FSTL5: variants seen among roughly 807,000 people sequenced by gnomAD.
FSTL5 encodes follistatin like 5.
Under a neutral mutation model 89.1 loss-of-function variants are expected in FSTL5, and 62 were observed. That is an observed-to-expected ratio of 0.70 (90% confidence interval 0.57 to 0.86). FSTL5 has a LOEUF of 0.86. FSTL5 is among the 40% of genes least tolerant of loss of function. FSTL5 has a pLI of 0.00. For synonymous variants in FSTL5, 383 were observed against 346.2 expected (o/e 1.11, Z -1.18); for missense variants, 1,057 against 1,001.6 (o/e 1.06, Z -0.75).
intron 4 of FSTL5, among the ~76,000 whole-genome samples, chr4:161,906,286 G>C (rs1315657489): frequency 6.6e-6 from 1 of 152,104 alleles, no homozygotes; most frequent in African/African-American, 2.4e-5. Flanking sequence ...CCAGTCTCCA[G>C]AGGGAGGAAC....
chr4:161,685,221 G>A (rs1264311767), intron 6 of FSTL5, among the ~76,000 whole-genome samples: 1 of 152,068 alleles, frequency 6.6e-6, no homozygotes, highest in African/African-American at 2.4e-5. Flanking sequence ...GTCTTGCTTT[G>A]TTTATGCCGG....
chr4:161,473,016 C>T (rs549681103), intron 13 of FSTL5, among the ~76,000 whole-genome samples: 2 of 152,292 alleles, frequency 1.3e-5, no homozygotes, highest in South Asian at 2.1e-4. Context: ...AGCCACCGTG[C>T]CTGGCTGTGT....
At chr4:161,768,939 A>T (rs543936345) in intron 5 of FSTL5, among the ~76,000 whole-genome samples, 28 of 152,018 alleles carry the variant, frequency 1.8e-4, no homozygotes, top group African/African-American at 6.7e-4. Flanking sequence ...AAATTGACAA[A>T]CCTTTAGCCA....
chr4:161,467,864 T>A lies in FSTL5; in HGVS notation c.1609-8545A>T, dbSNP rs1733799299. Among the ~76,000 whole-genome samples, 3 of 152,130 alleles carry A rather than the reference T, an allele frequency of 2.0e-5. No individual in the cohort carries two copies. In the South Asian group the frequency reaches 6.2e-4, roughly 32 times the overall value. On this transcript the variant is annotated intron_variant, in intron 13 of 15. Coordinates refer to ENST00000306100, the MANE Select transcript of FSTL5 (RefSeq NM_020116.5). ...CAAAAATAGCAAAACTTACATTTTT[T>A]AAAAGATAAATGTATGTATTTTGGT...
At chr4:161,544,759 T>C (rs1219532865) in intron 8 of FSTL5, among the ~76,000 whole-genome samples, 2 of 151,844 alleles carry the variant, frequency 1.3e-5, no homozygotes, top group Non-Finnish European at 2.9e-5. Flanking sequence ...CTTAGAAAAA[T>C]AAGTTATAAA....
At chr4:161,540,269 G>T (rs574795100) in intron 9 of FSTL5, among the ~76,000 whole-genome samples, 5 of 152,056 alleles carry the variant, frequency 3.3e-5, no homozygotes, top group Non-Finnish European at 7.4e-5. Context: ...CAGATTCACA[G>T]TTTTCAATTC....
chr4:162,139,556 CAG>C (rs1156657756), intron 1 of FSTL5, among the ~76,000 whole-genome samples: 5 of 151,868 alleles, frequency 3.3e-5, no homozygotes. Context: ...TTTTCCTGAG[CAG>C]ACTTTGCACA....
intron 15 of FSTL5, among the ~76,000 whole-genome samples, chr4:161,416,854 A>G (rs1040561927): frequency 7.3e-5 from 11 of 150,004 alleles, no homozygotes; most frequent in Non-Finnish European, 1.5e-4. Flanking sequence ...CAAAAAAAAA[A>G]AAAAAAAGAA....
At chr4:161,609,496 T>G (rs532658883) in intron 7 of FSTL5, among the ~76,000 whole-genome samples, 16 of 152,260 alleles carry the variant, frequency 1.1e-4, no homozygotes, top group African/African-American at 3.4e-4. Context: ...ATGTATTTCA[T>G]TGGATTATGT....
chr4:161,806,684 T>C (rs182671756), intron 4 of FSTL5, among the ~76,000 whole-genome samples: 5 of 152,032 alleles, frequency 3.3e-5, no homozygotes, highest in East Asian at 3.9e-4. Context: ...TTTTGCAACA[T>C]AGAAGAGAAA....
chr4:161,529,254 G>C (rs144934227), intron 10 of FSTL5, among the ~76,000 whole-genome samples: 1 of 142,056 alleles, frequency 7.0e-6, no homozygotes, highest in Non-Finnish European at 1.5e-5. Flanking sequence ...TCTATTTAAT[G>C]ATATTGAAGG....
intron 1 of FSTL5, among the ~76,000 whole-genome samples, chr4:162,153,896 C>T (rs1275443407): frequency 6.6e-6 from 1 of 151,086 alleles, no homozygotes; most frequent in Non-Finnish European, 1.5e-5. Flanking sequence ...ACCTCCACCC[C>T]TTGGGTTCAA....
At chr4:161,603,755 C>T (rs569124260) in intron 7 of FSTL5, among the ~76,000 whole-genome samples, 70 of 152,158 alleles carry the variant, frequency 4.6e-4, no homozygotes, top group African/African-American at 1.6e-3. Flanking sequence ...AGAGACAGAA[C>T]GTCTCCGAGA....
intron 15 of FSTL5, among the ~76,000 whole-genome samples, chr4:161,395,446 A>C (rs138389045): frequency 9.2e-5 from 14 of 152,268 alleles, no homozygotes; most frequent in African/African-American, 3.4e-4. Flanking sequence ...TTGCAATTAA[A>C]AATGACTGAA....
chr4:161,977,163 A>G lies in FSTL5; in HGVS notation c.160+56462T>C, dbSNP rs532595948. 2.0e-5 allele frequency among the ~76,000 whole-genome samples: 3 copies of G among 152,322 alleles called. No homozygotes were observed. The East Asian group carries it at 5.8e-4, about 29-fold the overall frequency. ...ATGGGACATGATAGATCAAAATGTTATAATTGCTGCAAGTTGGTAACTGCA... is the reference window on the plus strand; with the variant it reads ...ATGGGACATGATAGATCAAAATGTTGTAATTGCTGCAAGTTGGTAACTGCA... On this transcript the variant is annotated intron_variant, in intron 3 of 15. Coordinates refer to ENST00000306100, the MANE Select transcript of FSTL5 (RefSeq NM_020116.5).
At chr4:161,978,056 TTAAATTG>T (rs1735715325) in intron 3 of FSTL5, among the ~76,000 whole-genome samples, 1 of 152,232 alleles carries the variant, frequency 6.6e-6, no homozygotes, top group South Asian at 2.1e-4. Flanking sequence ...CCACCTTCAT[TTAAATTG>T]TAAACATCCA....
intron 3 of FSTL5, among the ~76,000 whole-genome samples, chr4:161,954,582 A>G (rs1734979554): frequency 6.6e-6 from 1 of 151,634 alleles, no homozygotes; most frequent in African/African-American, 2.4e-5. Context: ...GTATGTCTGT[A>G]TGTATGTATT....
chr4:162,022,335 T>C (rs1737120071), intron 3 of FSTL5, among the ~76,000 whole-genome samples: 1 of 151,910 alleles, frequency 6.6e-6, no homozygotes, highest in Non-Finnish European at 1.5e-5. Context: ...ATACAATCTA[T>C]AATATTGCAT....
intron 8 of FSTL5, among the ~76,000 whole-genome samples, chr4:161,556,248 A>G (rs78406138): frequency 0.034 from 5,140 of 151,668 alleles, 165 homozygotes; most frequent in East Asian, 0.15. Flanking sequence ...AAAGCATTGC[A>G]TTAGGGCTTA....
Sources: allele counts gnomAD v4.1 joint callset (sites outside exome capture counted in the v4.1 genomes callset), GRCh38; gene constraint gnomAD v4.1.1; transcripts MANE v1.5; gene names NCBI Gene and HGNC (gene_info 2026-07-23, HGNC 2026-07-21).